The following IQCK variants were observed in gnomAD, a reference collection of about 807,000 sequenced individuals.
The protein encoded by IQCK is IQ domain-containing protein K.
IQCK carries 29 observed loss-of-function variants against 28.1 expected under a neutral mutation model. The ratio of observed to expected loss-of-function variants is 1.03; its 90% CI spans 0.77 to 1.41. The LOEUF is 1.41. IQCK is among the 40% of genes most tolerant of loss of function. The pLI is 0.00. For missense variants in IQCK, 359 were observed against 314.7 expected (o/e 1.14, Z -1.07); for synonymous variants, 113 against 115.1 (o/e 0.98, Z 0.12).
At chr16:19,719,971 C>T (rs1388932754) in intron 1 of IQCK, among the ~76,000 whole-genome samples, 1 of 152,068 alleles carries the variant, frequency 6.6e-6, no homozygotes, top group Non-Finnish European at 1.5e-5. Flanking sequence ...CCAGGCCCAG[C>T]CCAGACTTAA....
chr16:19,757,592 C>A (rs1439179472), intron 4 of IQCK, among the ~76,000 whole-genome samples: 1 of 152,180 alleles, frequency 6.6e-6, no homozygotes, highest in Non-Finnish European at 1.5e-5. Flanking sequence ...GAGGCTTGAA[C>A]CCAGGTGGTG....
chr16:19,799,588 A>G (rs1486269194), intron 7 of IQCK, among the ~76,000 whole-genome samples: 4 of 99,846 alleles, frequency 4.0e-5, no homozygotes, highest in Non-Finnish European at 5.4e-5. Flanking sequence ...TATTTTATAT[A>G]TATATATATA....
chr16:19,733,684 C>A lies in IQCK; in HGVS notation c.247-14C>A, dbSNP rs747830629. Reference sequence around the variant, plus strand: ...GTTTAAATGAATTGCCTCCCCTCCCCTGTCTGCCTCCAGGTTGCGCCAGTA... The same window carrying A: ...GTTTAAATGAATTGCCTCCCCTCCCATGTCTGCCTCCAGGTTGCGCCAGTA... On this transcript the variant is annotated splice_polypyrimidine_tract_variant and intron_variant, in intron 2 of 7. Coordinates refer to ENST00000564186, the Ensembl canonical transcript of IQCK. 12 of 1,613,438 alleles carry A rather than the reference C, an allele frequency of 7.4e-6. No individual in the cohort carries two copies. Among genetic ancestry groups the A allele is most frequent in the Non-Finnish European group, 1.0e-5 (12 of 1,179,858 alleles).
intron 9 of IQCK, among the ~76,000 whole-genome samples, chr16:19,842,053 C>T (rs1048694258): frequency 6.6e-6 from 1 of 152,062 alleles, no homozygotes; most frequent in Non-Finnish European, 1.5e-5. Flanking sequence ...ACCATGTTGG[C>T]CAGGCTGGTC....
At chr16:19,808,719 C>A (rs1320497163) in intron 7 of IQCK, among the ~76,000 whole-genome samples, 1 of 152,202 alleles carries the variant, frequency 6.6e-6, no homozygotes, top group Non-Finnish European at 1.5e-5. Flanking sequence ...ATAGTGTCAG[C>A]AGAGCATAAA....
At chr16:19,811,257 C>T (rs962000681) in intron 7 of IQCK, among the ~76,000 whole-genome samples, 17 of 152,158 alleles carry the variant, frequency 1.1e-4, no homozygotes, top group African/African-American at 3.6e-4. Context: ...GGTGACAGAG[C>T]GAGACCCTGT....
chr16:19,805,871 G>C (rs1451132438), intron 7 of IQCK, among the ~76,000 whole-genome samples: 1 of 152,014 alleles, frequency 6.6e-6, no homozygotes, highest in African/African-American at 2.4e-5. Context: ...TGGTGGGGTG[G>C]GGGGGCTAGG....
chr16:19,811,985 ATTT>A lies in IQCK; in HGVS notation c.691-15023_691-15021del, dbSNP rs11290117. 4.7e-3 allele frequency among the ~76,000 whole-genome samples: 621 copies of A among 131,100 alleles called. 5 individuals carry two copies. Among genetic ancestry groups the A allele is most frequent in the African/African-American group, 0.017 (561 of 33,314 alleles). 86.0% of individuals were successfully genotyped at this position (131,100 alleles called of 152,430 possible). On this transcript the variant is annotated intron_variant, in intron 7 of 7. Transcript: ENST00000564186. Reference sequence around the variant, plus strand: ...CAGGTAAATTTAGGAAATAGCCTTAATTTTTTTTTTTTTTTTTTTTGAGACAGA... The same window carrying A: ...CAGGTAAATTTAGGAAATAGCCTTAATTTTTTTTTTTTTTTTTGAGACAGA...
chr16:19,830,238 A>G (rs1357732392), downstream of IQCK, among the ~76,000 whole-genome samples: 2 of 152,224 alleles, frequency 1.3e-5, no homozygotes, highest in South Asian at 2.1e-4. Flanking sequence ...GAAGGCAATC[A>G]GGGCTGTAAT....
In IQCK at chr16:19,856,362, T is replaced by C. The variant is rs115017599; in HGVS notation, c.803-125T>C. ...GGATCCATGGGGCCGGAACCATGAA[T>C]AGCAGGCGCACAGTGGGTTTTGGTG... On this transcript the variant is annotated intron_variant, in intron 9 of 9. Transcript: ENST00000320394. 1.4e-4 allele frequency: 100 copies of C among 702,024 alleles called. No homozygotes were observed. In the African/African-American group the frequency reaches 1.6e-3, roughly 11 times the overall value. The allele number at this position is 702,024 out of a possible 1,614,324, so 43.5% of individuals were successfully genotyped here. A position where few individuals can be genotyped will look rare whatever the true frequency, so the allele number is the denominator to read the frequency against.
At chr16:19,826,215 C>G (rs1399050640) in intron 7 of IQCK, among the ~76,000 whole-genome samples, 2 of 152,050 alleles carry the variant, frequency 1.3e-5, no homozygotes, top group African/African-American at 4.8e-5. Context: ...ACTATGTTGC[C>G]CAGGCTGGTC....
chr16:19,802,740 T>C (rs1360148857), intron 7 of IQCK, among the ~76,000 whole-genome samples: 3 of 152,228 alleles, frequency 2.0e-5, no homozygotes, highest in East Asian at 1.9e-4. Flanking sequence ...GTTACATAAA[T>C]GGAGTCATAC....
exon 10 of IQCK, chr16:19,856,509 T>G: frequency 6.2e-7 from 1 of 1,614,016 alleles, no homozygotes; most frequent in South Asian, 1.1e-5. Context: ...TGGAGGACGA[T>G]GCAGTACCTG....
At chr16:19,784,429 A>C (rs1171936595) in intron 6 of IQCK, among the ~76,000 whole-genome samples, 13 of 152,144 alleles carry the variant, frequency 8.5e-5, no homozygotes, top group Non-Finnish European at 1.9e-4. Flanking sequence ...TTCAACTCTC[A>C]AGAAAGGGTA....
chr16:19,824,739 A>G (rs1177630682), intron 7 of IQCK, among the ~76,000 whole-genome samples: 1 of 152,236 alleles, frequency 6.6e-6, no homozygotes, highest in Admixed American at 6.5e-5. Context: ...TGGCAAGTGA[A>G]GAGGTAGAAA....
intron 6 of IQCK, among the ~76,000 whole-genome samples, chr16:19,773,565 GC>G (rs2151719853): frequency 6.6e-6 from 1 of 152,240 alleles, no homozygotes; most frequent in South Asian, 2.1e-4. Flanking sequence ...AGTCTTTTAG[GC>G]TTTGCAAGCC....
At chr16:19,777,189 C>CA (rs796693132) in intron 6 of IQCK, among the ~76,000 whole-genome samples, 17 of 148,130 alleles carry the variant, frequency 1.1e-4, no homozygotes, top group African/African-American at 3.5e-4. Flanking sequence ...ATCCTTGAAA[C>CA]AAAAAAAAAG....
intron 9 of IQCK, among the ~76,000 whole-genome samples, chr16:19,846,920 T>G (rs1212526699): frequency 6.6e-6 from 1 of 152,164 alleles, no homozygotes; most frequent in Admixed American, 6.5e-5. Flanking sequence ...CTCCCCTGCC[T>G]TTCTAACTTT....
chr16:19,842,864 A>G (rs1473856008), intron 9 of IQCK, among the ~76,000 whole-genome samples: 2 of 152,214 alleles, frequency 1.3e-5, no homozygotes, highest in Non-Finnish European at 2.9e-5. Flanking sequence ...GGAGGAAAAC[A>G]GTTGTTTTCC....
Sources: gnomAD v4.1 joint callset for allele counts (sites outside exome capture counted in the v4.1 genomes callset) on GRCh38, gnomAD v4.1.1 for gene constraint, MANE v1.5 for transcripts, NCBI Gene and HGNC (gene_info 2026-07-23, HGNC 2026-07-21) for gene names.